GPHN: variants seen among roughly 807,000 people sequenced by gnomAD.
GPHN encodes gephyrin.
Under a neutral mutation model 95.5 loss-of-function variants are expected in GPHN, and 17 were observed. That is an observed-to-expected ratio of 0.18 (90% CI 0.12 to 0.27). The LOEUF is 0.27. Among genes scored for constraint, GPHN ranks in the 10% least tolerant of loss-of-function variants. The probability of loss-of-function intolerance (pLI) is 1.00; values close to 1 mark genes in which losing one functional copy is unlikely to be tolerated. For synonymous variants in GPHN, 320 were observed against 322.5 expected, an observed-to-expected ratio of 0.99 and a Z score of 0.08; for missense variants, 660 against 978.1, an observed-to-expected ratio of 0.67 and a Z score of 4.34.
chr14:67,715,850 T>TG, the GPHN span, among the ~76,000 whole-genome samples: 1 of 152,226 alleles, frequency 6.6e-6, no homozygotes, highest in Non-Finnish European at 1.5e-5. Flanking sequence ...TTCCATGTGC[T>TG]GGGGGAACAC....
intron 9 of GPHN, among the ~76,000 whole-genome samples, chr14:66,986,148 T>G (rs2071015713): frequency 6.6e-6 from 1 of 151,682 alleles, no homozygotes; most frequent in African/African-American, 2.4e-5. Flanking sequence ...AATTTTAATG[T>G]TATTTTGGTA....
At chr14:67,659,118 T>A in the GPHN span, among the ~76,000 whole-genome samples, 1 of 152,212 alleles carries the variant, frequency 6.6e-6, no homozygotes. Flanking sequence ...GTTCAATTAG[T>A]CCAATTTTAT....
chr14:67,167,200 A>G (rs1241465080), intron 20 of GPHN, among the ~76,000 whole-genome samples: 2 of 152,194 alleles, frequency 1.3e-5, no homozygotes, highest in African/African-American at 2.4e-5. Flanking sequence ...ATATGGATAA[A>G]CCACTATTAC....
At chr14:66,586,397 AG>A (rs2061421812) in intron 1 of GPHN, among the ~76,000 whole-genome samples, 1 of 152,092 alleles carries the variant, frequency 6.6e-6, no homozygotes, top group Non-Finnish European at 1.5e-5. Context: ...ATTTAAGGTT[AG>A]TATTGTTATG....
intron 1 of GPHN, among the ~76,000 whole-genome samples, chr14:66,612,262 T>G (rs960089847): frequency 2.6e-5 from 4 of 152,006 alleles, no homozygotes; most frequent in African/African-American, 9.7e-5. Flanking sequence ...TAAAAATGTT[T>G]TCTTCTAACT....
rs1201968286 is a variant in GPHN at position 66,922,677 on chromosome 14, A to G, written c.468A>G (p.Gln156=). 6.2e-7 allele frequency: 1 copy of G among 1,612,358 alleles called. No homozygotes were observed. The highest frequency in any genetic ancestry group is 1.3e-5 in the African/African-American group (1 of 74,880). The change falls in exon 7 of 23, where the codon CAA becomes CAG. Residue 156 remains glutamine (Q), a synonymous_variant. Transcript: ENST00000478722. ...GSKKGSQECF[Q]FILPALPHAI... ...TCTCTTGCATACAGGAATGCTTTCAATTCATACTGCCAGCTCTACCTCATG... is the reference window on the plus strand; with the variant it reads ...TCTCTTGCATACAGGAATGCTTTCAGTTCATACTGCCAGCTCTACCTCATG...
chr14:66,845,849 G>C (rs1478845451), intron 4 of GPHN, among the ~76,000 whole-genome samples: 1 of 151,570 alleles, frequency 6.6e-6, no homozygotes, highest in Non-Finnish European at 1.5e-5. Context: ...GTGTGTGTGT[G>C]TGTGTGTGTG....
rs1566770496 is a variant in GPHN, at chr14:66,655,964, T to C, written c.65-25143T>C. Among the ~76,000 whole-genome samples the C allele has an allele frequency of 2.6e-5, 4 of 152,186 alleles. No individual in the cohort carries two copies. In the South Asian group the frequency reaches 8.3e-4, roughly 31 times the overall value. ...ATAAGCACCATTTAGTCACGATATA[T>C]AGTTCTTTTTATATGTAATTCTGAA... On this transcript the variant is annotated intron_variant, in intron 1 of 22. Coordinates refer to ENST00000478722, the MANE Select transcript of GPHN (RefSeq NM_020806.5).
chr14:67,699,412 G>T, the GPHN span, among the ~76,000 whole-genome samples: 1 of 151,530 alleles, frequency 6.6e-6, no homozygotes, highest in East Asian at 1.9e-4. Flanking sequence ...AAAAATAAAT[G>T]AATAAATAAA....
At chr14:67,239,700 A>G in the GPHN span, among the ~76,000 whole-genome samples, 22 of 152,136 alleles carry the variant, frequency 1.4e-4, no homozygotes, top group Non-Finnish European at 2.8e-4. Context: ...TACTAACAAT[A>G]CAAAAATTAG....
chr14:67,409,751 C>T, the GPHN span, among the ~76,000 whole-genome samples: 1 of 152,208 alleles, frequency 6.6e-6, no homozygotes, highest in Non-Finnish European at 1.5e-5. Context: ...TGCACTCCGG[C>T]TTCCAACGCA....
chr14:67,043,543 G>A (rs184527167), intron 10 of GPHN, among the ~76,000 whole-genome samples: 34 of 152,216 alleles, frequency 2.2e-4, no homozygotes, highest in Admixed American at 1.6e-3. Flanking sequence ...ATTGATTTGC[G>A]TATGTTGAAC....
chr14:66,609,180 G>A (rs1448784121), intron 1 of GPHN, among the ~76,000 whole-genome samples: 1 of 152,040 alleles, frequency 6.6e-6, no homozygotes, highest in Non-Finnish European at 1.5e-5. Context: ...TGGTCTAGTG[G>A]TTACAAATTC....
the GPHN span, chr14:67,359,895 A>G: frequency 1.7e-6 from 1 of 602,820 alleles, no homozygotes; most frequent in Non-Finnish European, 2.8e-6. Flanking sequence ...GGGGGAGGAC[A>G]GAACAGAGGC....
chr14:67,725,028 A>G, the GPHN span: 1 of 1,551,002 alleles, frequency 6.4e-7, no homozygotes, highest in Non-Finnish European at 8.9e-7. Context: ...CCCCAGTCCC[A>G]AGCTCACTTA....
the GPHN span, among the ~76,000 whole-genome samples, chr14:67,488,200 G>A: frequency 6.6e-6 from 1 of 152,226 alleles, no homozygotes; most frequent in Non-Finnish European, 1.5e-5. Flanking sequence ...GCTGGTCTGT[G>A]CTGATGCCCA....
chr14:66,824,414 G>T lies in GPHN; in HGVS notation c.202-60G>T, dbSNP rs114670379. The T allele has an allele frequency of 6.3e-4, 511 of 805,218 alleles. No individual in the cohort carries two copies. The African/African-American group carries it at 7.7e-3, about 12-fold the overall frequency. The allele number at this position is 805,218 out of a possible 1,614,324, so 49.9% of individuals were successfully genotyped here. Reference sequence around the variant, plus strand: ...TGAATACAAAGTGTCCTAGGACTGGGATGTTTTGAGCAAGCAGGCAAATTT... The same window carrying T: ...TGAATACAAAGTGTCCTAGGACTGGTATGTTTTGAGCAAGCAGGCAAATTT... On this transcript the variant is annotated intron_variant, in intron 3 of 22. Transcript: ENST00000478722.
intron 2 of GPHN, among the ~76,000 whole-genome samples, chr14:66,683,329 A>AATATATAT (rs59011754): frequency 1.3e-4 from 1 of 7,924 alleles, no homozygotes; most frequent in Admixed American, 3.5e-3. Context: ...CCAATGTGGA[A>AATATATAT]ATATATATAT....
At chr14:66,585,127 G>C (rs1268805595) in intron 1 of GPHN, among the ~76,000 whole-genome samples, 4 of 148,182 alleles carry the variant, frequency 2.7e-5, no homozygotes, top group African/African-American at 9.8e-5. Flanking sequence ...GAGGGTGTAT[G>C]TGTCCAGGAA....
Sources: allele counts gnomAD v4.1 joint callset (sites outside exome capture counted in the v4.1 genomes callset), GRCh38; gene constraint gnomAD v4.1.1; transcripts MANE v1.5; gene names NCBI Gene and HGNC (gene_info 2026-07-23, HGNC 2026-07-21).